CDK19: variants seen among roughly 807,000 people sequenced by gnomAD.
CDK19 encodes the protein cyclin-dependent kinase 19.
A neutral mutation model predicts 68.3 loss-of-function variants in CDK19; 20 were observed. The ratio of observed to expected loss-of-function variants is 0.29; its 90% CI spans 0.21 to 0.43. The LOEUF (loss-of-function observed/expected upper bound fraction) is 0.43. Ranked by LOEUF, CDK19 falls within the 20% of genes least tolerant of loss-of-function variation. The pLI is 1.00. For missense variants in CDK19, 339 were observed against 623.5 expected, an observed-to-expected ratio of 0.54 and a Z score of 4.86; for synonymous variants, 221 against 222.8, an observed-to-expected ratio of 0.99 and a Z score of 0.07.
At chr6:110,788,052 C>A (rs1225672487) in intron 1 of CDK19, among the ~76,000 whole-genome samples, 2 of 152,114 alleles carry the variant, frequency 1.3e-5, no homozygotes, top group South Asian at 4.1e-4. Flanking sequence ...GTTAGTCAGG[C>A]TGGTCTTGAA....
At chr6:110,801,327 A>C (rs1292677572) in intron 1 of CDK19, among the ~76,000 whole-genome samples, 1 of 151,928 alleles carries the variant, frequency 6.6e-6, no homozygotes, top group Non-Finnish European at 1.5e-5. Flanking sequence ...TCCACAAAAA[A>C]TTTAAAAAGT....
At chr6:110,637,063 G>A (rs961566045) in intron 5 of CDK19, among the ~76,000 whole-genome samples, 2 of 150,622 alleles carry the variant, frequency 1.3e-5, no homozygotes, top group African/African-American at 4.9e-5. Context: ...TAGAATTCAA[G>A]TTCTAGCTTT....
intron 1 of CDK19, among the ~76,000 whole-genome samples, chr6:110,771,343 C>T (rs570799501): frequency 1.3e-5 from 2 of 152,326 alleles, no homozygotes; most frequent in East Asian, 1.9e-4. Context: ...AGGCTCAACA[C>T]CACATGGAAC....
At chr6:110,771,412 CT>C (rs1369414862) in intron 1 of CDK19, among the ~76,000 whole-genome samples, 1 of 152,182 alleles carries the variant, frequency 6.6e-6, no homozygotes, top group Non-Finnish European at 1.5e-5. Flanking sequence ...ACTTTGGCCA[CT>C]TTTAGTCACA....
chr6:110,632,265 G>A (rs117132367), intron 5 of CDK19, 104 bp from the exon 6 acceptor site: 1,501 of 846,622 alleles, frequency 1.8e-3, no homozygotes, highest in Non-Finnish European at 2.1e-3. Flanking sequence ...TTAGAACCAT[G>A]CAAGGTTGAC....
At chr6:110,801,572 C>T (rs918336764) in intron 1 of CDK19, among the ~76,000 whole-genome samples, 4 of 151,926 alleles carry the variant, frequency 2.6e-5, no homozygotes, top group African/African-American at 4.8e-5. Flanking sequence ...AGTGCAGTGG[C>T]GTCATCTCGG....
chr6:110,744,013 T>TTA (rs1777880870), intron 2 of CDK19, among the ~76,000 whole-genome samples: 1 of 145,472 alleles, frequency 6.9e-6, no homozygotes, highest in Non-Finnish European at 1.5e-5. Context: ...CTCCCCACGT[T>TTA]TTTTTTTTTT....
chr6:110,635,590 A>G (rs973938908), intron 5 of CDK19, among the ~76,000 whole-genome samples: 7 of 152,196 alleles, frequency 4.6e-5, no homozygotes, highest in Admixed American at 4.6e-4. Context: ...CCCAGGCTGG[A>G]GTGCAGTGGC....
intron 2 of CDK19, among the ~76,000 whole-genome samples, chr6:110,719,149 G>T (rs1224419858): frequency 6.6e-6 from 1 of 152,084 alleles, no homozygotes; most frequent in African/African-American, 2.4e-5. Flanking sequence ...AGAAAAGAAG[G>T]TGGAGGGAAA....
At chr6:110,685,114 G>A (rs995892981) in intron 2 of CDK19, among the ~76,000 whole-genome samples, 1 of 152,036 alleles carries the variant, frequency 6.6e-6, no homozygotes, top group African/African-American at 2.4e-5. Flanking sequence ...TTCCAGCCTG[G>A]GCGACACAGC....
chr6:110,736,029 A>G (rs914871419), intron 2 of CDK19, among the ~76,000 whole-genome samples: 1 of 152,212 alleles, frequency 6.6e-6, no homozygotes, highest in African/African-American at 2.4e-5. Flanking sequence ...AAATCAAAAC[A>G]TACCTGATTC....
intron 9 of CDK19, among the ~76,000 whole-genome samples, 176 bp downstream of exon 9, chr6:110,623,114 A>G (rs1489898573): frequency 1.3e-5 from 2 of 152,234 alleles, no homozygotes; most frequent in Non-Finnish European, 2.9e-5. Flanking sequence ...TTTTCTGCTG[A>G]TAAATCATTT....
At chr6:110,667,806 G>A (rs1433623277) in intron 3 of CDK19, among the ~76,000 whole-genome samples, 3 of 152,016 alleles carry the variant, frequency 2.0e-5, no homozygotes, top group East Asian at 3.9e-4. Flanking sequence ...AAACCATTAA[G>A]ATTTTCATTA....
chr6:110,734,410 C>G (rs1281199244), intron 2 of CDK19, among the ~76,000 whole-genome samples: 1 of 151,920 alleles, frequency 6.6e-6, no homozygotes, highest in Admixed American at 6.6e-5. Flanking sequence ...TTGTGGAACA[C>G]AACAAAAATT....
intron 1 of CDK19, among the ~76,000 whole-genome samples, chr6:110,751,471 T>C (rs1179948679): frequency 6.6e-6 from 1 of 152,098 alleles, no homozygotes; most frequent in East Asian, 1.9e-4. Flanking sequence ...ACCATCTAGT[T>C]GCAGGAAAGC....
chr6:110,688,841 C>T (rs923739966), intron 2 of CDK19, among the ~76,000 whole-genome samples: 1 of 152,216 alleles, frequency 6.6e-6, no homozygotes, highest in South Asian at 2.1e-4. Flanking sequence ...GAAAGAAGCC[C>T]TCAACTGAAT....
At chr6:110,792,447 A>G (rs1421168354) in intron 1 of CDK19, among the ~76,000 whole-genome samples, 4 of 108,362 alleles carry the variant, frequency 3.7e-5, no homozygotes, top group Non-Finnish European at 8.3e-5. Flanking sequence ...GCAGTGGCAC[A>G]ATCTCGGCTC....
intron 4 of CDK19, among the ~76,000 whole-genome samples, chr6:110,654,427 A>G (rs1039112645): frequency 1.3e-5 from 2 of 152,228 alleles, no homozygotes; most frequent in African/African-American, 4.8e-5. Flanking sequence ...AAATATGGAG[A>G]ATCTGATCAT....
At chr6:110,651,104 AG>A (rs953026583) in intron 4 of CDK19, among the ~76,000 whole-genome samples, 2 of 152,188 alleles carry the variant, frequency 1.3e-5, no homozygotes, top group African/African-American at 4.8e-5. Flanking sequence ...AGGGTTGGGA[AG>A]GGGGTTGTCA....
Sources: gnomAD v4.1 joint callset for allele counts (sites outside exome capture counted in the v4.1 genomes callset) on GRCh38, gnomAD v4.1.1 for gene constraint, MANE v1.5 for transcripts, NCBI Gene and HGNC (gene_info 2026-07-23, HGNC 2026-07-21) for gene names.